RERE: variants seen among roughly 807,000 people sequenced by gnomAD.
RERE encodes arginine-glutamic acid dipeptide repeats protein.
A neutral mutation model predicts 146.1 loss-of-function variants in RERE; 40 were observed. That is an observed-to-expected ratio of 0.27 (90% CI 0.21 to 0.36). The LOEUF (loss-of-function observed/expected upper bound fraction) is 0.36. RERE is among the 10% of genes least tolerant of loss of function. RERE has a pLI of 1.00. For synonymous variants in RERE, 1,003 were observed against 866.0 expected (o/e 1.16, Z -2.78); for missense variants, 1,933 against 2,138.7 (o/e 0.90, Z 1.90).
At chr1:8,530,734 G>A (rs1377950113) in intron 7 of RERE, among the ~76,000 whole-genome samples, 2 of 141,872 alleles carry the variant, frequency 1.4e-5, no homozygotes, top group Non-Finnish European at 3.0e-5. Flanking sequence ...GCCCAGGCCG[G>A]ACTGCGGACT....
chr1:8,610,367 G>C (rs1260586565), intron 4 of RERE, among the ~76,000 whole-genome samples: 1 of 151,942 alleles, frequency 6.6e-6, no homozygotes, highest in Non-Finnish European at 1.5e-5. Context: ...GAGGCGGGCA[G>C]ATCACAAGGT....
Position 8,359,878 on chromosome 1 carries a change from C to T in RERE, c.3504G>A (p.Glu1168=). ...TCTGCTCAGCCTCGCGCTTGGCCTTCTCAATGGCCTCCTCCCTCTTCTTGG... is the reference window on the plus strand; with the variant it reads ...TCTGCTCAGCCTCGCGCTTGGCCTTTTCAATGGCCTCCTCCCTCTTCTTGG... The part of the protein sequence containing the change: ...KLAKKREEAI[E]KAKREAEQKA... Residue 1168 remains glutamate, a synonymous_variant, in exon 19 of 23, where the codon GAG becomes GAA. Coordinates refer to ENST00000400908, the MANE Select transcript of RERE (RefSeq NM_001042681.2). 6.2e-7 allele frequency: 1 copy of T among 1,613,050 alleles called. No individual in the cohort carries two copies. Among genetic ancestry groups the T allele is most frequent in the Non-Finnish European group, 8.5e-7 (1 of 1,180,030 alleles).
At chr1:8,678,003 T>A (rs553663282) in intron 1 of RERE, among the ~76,000 whole-genome samples, 1 of 152,350 alleles carries the variant, frequency 6.6e-6, no homozygotes, top group South Asian at 2.1e-4. Context: ...TTGTTTGTTC[T>A]ACTCAAGAAG....
At chr1:8,490,749 T>TA (rs1044379527) in intron 10 of RERE, among the ~76,000 whole-genome samples, 27 of 149,830 alleles carry the variant, frequency 1.8e-4, no homozygotes, top group Admixed American at 9.9e-4. Context: ...TTTAAAAAAA[T>TA]AAAAAAAACA....
At chr1:8,802,126 C>T (rs1049351425) in intron 1 of RERE, among the ~76,000 whole-genome samples, 3 of 152,152 alleles carry the variant, frequency 2.0e-5, no homozygotes, top group African/African-American at 7.2e-5. Context: ...ACACATGAAG[C>T]TATCAAATAA....
intron 11 of RERE, among the ~76,000 whole-genome samples, chr1:8,427,309 T>G (rs937380495): frequency 6.6e-6 from 1 of 152,164 alleles, no homozygotes; most frequent in Admixed American, 6.5e-5. Flanking sequence ...CTCATACCAC[T>G]TGGCCTAATT....
At chr1:8,785,309 T>C (rs768137108) in intron 1 of RERE, among the ~76,000 whole-genome samples, 67 of 152,218 alleles carry the variant, frequency 4.4e-4, no homozygotes, top group Non-Finnish European at 7.5e-4. Flanking sequence ...CTGCAACATA[T>C]TTCAAAGTTA....
At chr1:8,659,967 GTA>G (rs1557463934) in intron 1 of RERE, among the ~76,000 whole-genome samples, 1 of 151,916 alleles carries the variant, frequency 6.6e-6, no homozygotes, top group Non-Finnish European at 1.5e-5. Context: ...ACAAAATCCA[GTA>G]TATGTGTATA....
Position 8,355,615 on chromosome 1 carries a change from C to T in RERE, c.4487-16G>A. 1 of 1,558,082 alleles carries T rather than the reference C, an allele frequency of 6.4e-7. No individual in the cohort carries two copies. Among genetic ancestry groups the T allele is most frequent in the Non-Finnish European group, 8.7e-7 (1 of 1,149,426 alleles). On this transcript the variant is annotated splice_polypyrimidine_tract_variant and intron_variant, in intron 21 of 22. Coordinates refer to ENST00000400908, the MANE Select transcript of RERE (RefSeq NM_001042681.2). ...TAGGGGGTGCCTGCCGAACACAAAA[C>T]AACCTGCGCTACAGAAATAGCCAGA...
chr1:8,759,521 G>A (rs745459900), intron 1 of RERE, among the ~76,000 whole-genome samples: 1 of 152,154 alleles, frequency 6.6e-6, no homozygotes, highest in Non-Finnish European at 1.5e-5. Context: ...CAAAGTAGAC[G>A]CTTCCCAAAA....
chr1:8,557,938 G>C (rs1467758986), intron 4 of RERE, among the ~76,000 whole-genome samples: 1 of 152,078 alleles, frequency 6.6e-6, no homozygotes, highest in Non-Finnish European at 1.5e-5. Flanking sequence ...CTCATTAAGG[G>C]CAATAAGGCT....
intron 4 of RERE, among the ~76,000 whole-genome samples, chr1:8,564,106 A>G (rs1362027494): frequency 6.6e-6 from 1 of 152,174 alleles, no homozygotes; most frequent in East Asian, 1.9e-4. Context: ...CTTAGCTAAG[A>G]CCTTGGGGAC....
intron 1 of RERE, among the ~76,000 whole-genome samples, chr1:8,716,906 C>T (rs1557500213): frequency 6.6e-6 from 1 of 152,092 alleles, no homozygotes; most frequent in South Asian, 2.1e-4. Flanking sequence ...AGAGGGCAGG[C>T]TGTACTACAT....
At chr1:8,730,962 A>G (rs1640067776) in intron 1 of RERE, among the ~76,000 whole-genome samples, 1 of 152,224 alleles carries the variant, frequency 6.6e-6, no homozygotes, top group African/African-American at 2.4e-5. Flanking sequence ...ACAGCTAAAC[A>G]AACTGAAATC....
intron 2 of RERE, among the ~76,000 whole-genome samples, chr1:8,645,815 T>A (rs1647278794): frequency 1.3e-5 from 2 of 152,238 alleles, no homozygotes; most frequent in South Asian, 4.1e-4. Context: ...CCTCACGAAG[T>A]AATAAGTTTT....
At chr1:8,518,025 C>T (rs1413435383) in intron 7 of RERE, among the ~76,000 whole-genome samples, 1 of 152,080 alleles carries the variant, frequency 6.6e-6, no homozygotes, top group Non-Finnish European at 1.5e-5. Flanking sequence ...GAGGCTTGGC[C>T]CAGAACATGA....
chr1:8,606,495 G>T (rs909459458), intron 4 of RERE, among the ~76,000 whole-genome samples: 1 of 152,046 alleles, frequency 6.6e-6, no homozygotes, highest in Non-Finnish European at 1.5e-5. Flanking sequence ...ATATCTGTAA[G>T]CAGTTTCAAT....
At chr1:8,788,144 T>C (rs1641292085) in intron 1 of RERE, among the ~76,000 whole-genome samples, 3 of 152,030 alleles carry the variant, frequency 2.0e-5, no homozygotes, top group Admixed American at 1.3e-4. Flanking sequence ...ACAAGAAGTT[T>C]ATGGTTGTAG....
chr1:8,576,596 G>C (rs375534765), intron 4 of RERE, among the ~76,000 whole-genome samples: 1 of 152,138 alleles, frequency 6.6e-6, no homozygotes, highest in Non-Finnish European at 1.5e-5. Flanking sequence ...GATTCAAAAT[G>C]ATCTGAAATG....
Sources: allele counts gnomAD v4.1 joint callset (sites outside exome capture counted in the v4.1 genomes callset), GRCh38; gene constraint gnomAD v4.1.1; transcripts MANE v1.5; gene names NCBI Gene and HGNC (gene_info 2026-07-23, HGNC 2026-07-21).